Variants in DAB1 observed in about 807,000 individuals in gnomAD.
The protein encoded by DAB1 is DAB adaptor protein 1, also known as disabled homolog 1.
DAB1 carries 15 observed loss-of-function variants against 64.6 expected under a neutral mutation model. The observed-to-expected ratio is 0.23, with a 90% confidence interval of 0.16 to 0.36. DAB1 has a LOEUF of 0.36. Among genes scored for constraint, DAB1 ranks in the 10% least tolerant of loss-of-function variants. DAB1 has a pLI of 1.00. For synonymous variants in DAB1, 235 were observed against 251.9 expected, an observed-to-expected ratio of 0.93 and a Z score of 0.64; for missense variants, 596 against 706.7, an observed-to-expected ratio of 0.84 and a Z score of 1.78.
intron 6 of DAB1, among the ~76,000 whole-genome samples, chr1:57,675,734 A>G (rs1272310860): frequency 2.0e-5 from 3 of 152,226 alleles, no homozygotes; most frequent in Admixed American, 2.0e-4. Flanking sequence ...TATTTAATAA[A>G]CTGAATATAG....
intron 2 of DAB1, among the ~76,000 whole-genome samples, chr1:57,211,199 T>G (rs935186704): frequency 2.6e-5 from 4 of 152,188 alleles, no homozygotes; most frequent in Admixed American, 1.3e-4. Flanking sequence ...ATCAGAAAAG[T>G]CAATGAAAAC....
At chr1:58,449,033 G>A (rs1645103053) in intron 3 of DAB1, among the ~76,000 whole-genome samples, 1 of 152,234 alleles carries the variant, frequency 6.6e-6, no homozygotes, top group African/African-American at 2.4e-5. Context: ...TCATAGGAAA[G>A]GGATGGTGAA....
chr1:58,302,515 A>G (rs1403909656), intron 4 of DAB1, among the ~76,000 whole-genome samples: 1 of 152,138 alleles, frequency 6.6e-6, no homozygotes, highest in African/African-American at 2.4e-5. Flanking sequence ...TAAAAATTCC[A>G]ATACATATTT....
At chr1:58,377,926 C>T (rs1187215192) in intron 3 of DAB1, among the ~76,000 whole-genome samples, 1 of 142,252 alleles carries the variant, frequency 7.0e-6, no homozygotes. Flanking sequence ...TCATTTCATT[C>T]ATTTCATCTT....
intron 4 of DAB1, among the ~76,000 whole-genome samples, chr1:57,092,136 C>T (rs1443141801): frequency 6.6e-6 from 1 of 152,220 alleles, no homozygotes; most frequent in Non-Finnish European, 1.5e-5. Context: ...AGACACCCTA[C>T]CTACCCCTTA....
chr1:57,372,126 G>T (rs1329992549), intron 1 of DAB1, among the ~76,000 whole-genome samples: 2 of 152,192 alleles, frequency 1.3e-5, no homozygotes, highest in East Asian at 1.9e-4. Context: ...TATTCAATTG[G>T]ATTTGCACGG....
intron 2 of DAB1, among the ~76,000 whole-genome samples, chr1:57,248,603 A>G (rs1669079765): frequency 6.6e-6 from 1 of 152,184 alleles, no homozygotes; most frequent in Non-Finnish European, 1.5e-5. Context: ...ATTGACTACA[A>G]AAACAGTGTT....
chr1:57,067,371 C>T (rs1651018970), intron 8 of DAB1, among the ~76,000 whole-genome samples: 1 of 152,082 alleles, frequency 6.6e-6, no homozygotes. Context: ...TCAGAGGGAC[C>T]TGCAGTGGGG....
At position 57,021,198 on chromosome 1, in the gene DAB1, A is replaced by T. The variant is rs371995389; in HGVS notation, c.895+2333T>A. ...GTTGAAATCTTGGAGGTAATCTATC[A>T]AAATTTTAGCAGCTAAAGAAAGGAA... On this transcript the variant is annotated intron_variant, in intron 11 of 14. Coordinates refer to ENST00000371236, the MANE Select transcript of DAB1 (RefSeq NM_001365792.1). Among the ~76,000 whole-genome samples, 3 of 152,236 alleles carry T rather than the reference A, an allele frequency of 2.0e-5. No homozygotes were observed. The East Asian group carries it at 5.8e-4, about 29-fold the overall frequency.
rs150489266 is a variant in DAB1, at chr1:58,431,891, A to G, written n.257+74169T>C. Among the ~76,000 whole-genome samples, 650 of 152,242 alleles carry G rather than the reference A, an allele frequency of 4.3e-3. 6 individuals are homozygous for G. Among genetic ancestry groups the G allele is most frequent in the African/African-American group, 0.015 (607 of 41,550 alleles). On this transcript the variant is annotated intron_variant and non_coding_transcript_variant, in intron 3 of 20. Coordinates refer to the DAB1 transcript ENST00000485760. ...AGATGTGAACAACTCCAGGCTGAGA[A>G]CTCAGAGGAAAGCGTGACCACTTTA...
intron 7 of DAB1, among the ~76,000 whole-genome samples, chr1:57,482,763 A>T (rs982858049): frequency 1.3e-5 from 2 of 152,200 alleles, no homozygotes; most frequent in African/African-American, 2.4e-5. Context: ...ACTTCACTGG[A>T]TTCTTGCACA....
chr1:58,531,786 T>C (rs1245884368), intron 1 of DAB1, among the ~76,000 whole-genome samples: 1 of 152,128 alleles, frequency 6.6e-6, no homozygotes, highest in Non-Finnish European at 1.5e-5. Flanking sequence ...CTCGACTCAC[T>C]GCAACCTCCG....
At chr1:57,526,832 T>C (rs1644599023) in intron 7 of DAB1, among the ~76,000 whole-genome samples, 1 of 152,212 alleles carries the variant, frequency 6.6e-6, no homozygotes, top group South Asian at 2.1e-4. Context: ...TTCATGTTAC[T>C]TATGAAAATT....
At chr1:57,726,838 T>A (rs896723924) in intron 6 of DAB1, among the ~76,000 whole-genome samples, 1 of 152,182 alleles carries the variant, frequency 6.6e-6, no homozygotes, top group Non-Finnish European at 1.5e-5. Context: ...GTCACTACTG[T>A]AAACTACCTC....
chr1:57,361,275 C>T (rs542827232), intron 1 of DAB1, among the ~76,000 whole-genome samples: 50 of 152,232 alleles, frequency 3.3e-4, no homozygotes, highest in African/African-American at 1.2e-3. Context: ...CCCAAGAAGA[C>T]AGTCTATGTT....
At chr1:57,396,611 T>C (rs997686389) in intron 1 of DAB1, among the ~76,000 whole-genome samples, 1 of 152,198 alleles carries the variant, frequency 6.6e-6, no homozygotes, top group Admixed American at 6.5e-5. Flanking sequence ...GTTAAGAATA[T>C]GAGTTTTGAA....
At chr1:58,303,124 G>A (rs560097401) in intron 4 of DAB1, among the ~76,000 whole-genome samples, 1 of 152,224 alleles carries the variant, frequency 6.6e-6, no homozygotes, top group Admixed American at 6.5e-5. Context: ...CTCCTCCCAG[G>A]ACTCCAGCTT....
At chr1:57,139,098 T>C (rs530364594) in intron 3 of DAB1, among the ~76,000 whole-genome samples, 16 of 152,268 alleles carry the variant, frequency 1.1e-4, no homozygotes, top group South Asian at 4.1e-4. Flanking sequence ...CCAGGATACA[T>C]ACAAATCAGA....
chr1:57,418,357 C>T (rs1340456136), intron 1 of DAB1, among the ~76,000 whole-genome samples: 1 of 152,128 alleles, frequency 6.6e-6, no homozygotes, highest in Non-Finnish European at 1.5e-5. Context: ...AAGACAGAGA[C>T]AGAGAAAGAG....
Sources: allele counts gnomAD v4.1 joint callset (sites outside exome capture counted in the v4.1 genomes callset), GRCh38; gene constraint gnomAD v4.1.1; transcripts MANE v1.5; gene names NCBI Gene and HGNC (gene_info 2026-07-23, HGNC 2026-07-21).